Variants in PDE8B observed in about 807,000 individuals in gnomAD.
The protein encoded by PDE8B is high affinity cAMP-specific and IBMX-insensitive 3',5'-cyclic phosphodiesterase 8B.
A neutral mutation model predicts 101.3 loss-of-function variants in PDE8B; 26 were observed. That is an observed-to-expected ratio of 0.26 (90% CI 0.19 to 0.36). The LOEUF is 0.36. Among genes scored for constraint, PDE8B ranks in the 10% least tolerant of loss-of-function variants. PDE8B has a pLI of 1.00. For synonymous variants in PDE8B, 424 were observed against 429.3 expected (o/e 0.99, Z 0.15); for missense variants, 810 against 1,163.1 (o/e 0.70, Z 4.42).
At chr5:77,349,018 G>A (rs777303349) in intron 7 of PDE8B, among the ~76,000 whole-genome samples, 3 of 152,078 alleles carry the variant, frequency 2.0e-5, no homozygotes, top group Non-Finnish European at 4.4e-5. Flanking sequence ...ACAAACATAT[G>A]GACCCAGTCC....
At chr5:77,197,199 A>G in the PDE8B span, among the ~76,000 whole-genome samples, 1 of 139,850 alleles carries the variant, frequency 7.2e-6, no homozygotes, top group South Asian at 2.2e-4. Context: ...TTCAACTTTC[A>G]TCTCCTGGTT....
chr5:77,331,507 C>A, intron 5 of PDE8B, 48 bp downstream of exon 5: 1 of 1,379,616 alleles, frequency 7.2e-7, no homozygotes, highest in Non-Finnish European at 1.0e-6. Context: ...GCACCTTAAC[C>A]CCTAACTCTC....
chr5:77,379,300 A>C (rs1359894113), intron 10 of PDE8B, among the ~76,000 whole-genome samples: 1 of 152,234 alleles, frequency 6.6e-6, no homozygotes, highest in African/African-American at 2.4e-5. Flanking sequence ...GCATGCAGAA[A>C]ATGATCTGGG....
chr5:77,410,176 T>C (rs1331548577), intron 14 of PDE8B, among the ~76,000 whole-genome samples: 3 of 152,242 alleles, frequency 2.0e-5, no homozygotes, highest in Non-Finnish European at 2.9e-5. Flanking sequence ...GCAACTTCTA[T>C]TGAAGCAGCA....
At chr5:77,339,434 C>T (rs1778800840) in intron 6 of PDE8B, among the ~76,000 whole-genome samples, 1 of 152,130 alleles carries the variant, frequency 6.6e-6, no homozygotes, top group Non-Finnish European at 1.5e-5. Flanking sequence ...TTCAAGTTAT[C>T]GCCCTTTTGG....
the PDE8B span, among the ~76,000 whole-genome samples, chr5:77,150,547 T>G: frequency 6.6e-6 from 1 of 152,170 alleles, no homozygotes; most frequent in Non-Finnish European, 1.5e-5. Context: ...AGGGACAAAC[T>G]AGGGTACATC....
At chr5:77,201,255 G>A in the PDE8B span, among the ~76,000 whole-genome samples, 1 of 152,196 alleles carries the variant, frequency 6.6e-6, no homozygotes, top group Non-Finnish European at 1.5e-5. Flanking sequence ...GGCAGAAACT[G>A]TTTACTTAGC....
chr5:77,092,005 A>G, the PDE8B span, among the ~76,000 whole-genome samples: 1 of 152,236 alleles, frequency 6.6e-6, no homozygotes, highest in Non-Finnish European at 1.5e-5. Context: ...CTAAGAAGAA[A>G]GTGAAAAATT....
At chr5:77,191,626 T>C in the PDE8B span, among the ~76,000 whole-genome samples, 7 of 152,156 alleles carry the variant, frequency 4.6e-5, no homozygotes, top group Non-Finnish European at 8.8e-5. Flanking sequence ...GTGTTGGGAT[T>C]ACAGGCGTGA....
intron 1 of PDE8B, among the ~76,000 whole-genome samples, chr5:77,230,697 G>A (rs531409859): frequency 3.3e-5 from 5 of 152,172 alleles, no homozygotes; most frequent in African/African-American, 7.2e-5. Context: ...TGATCCACCC[G>A]CCATCTCAAA....
At chr5:77,129,792 A>G in the PDE8B span, among the ~76,000 whole-genome samples, 1 of 152,202 alleles carries the variant, frequency 6.6e-6, no homozygotes, top group Non-Finnish European at 1.5e-5. Flanking sequence ...TCGCAGTAAA[A>G]GAATTGGCAT....
At position 77,423,929 on chromosome 5, in the gene PDE8B, A is replaced by G. The variant is rs574385223; in HGVS notation, c.2419-1838A>G. ...TAGGATTACAGGCGTGAGCCACCGC[A>G]CCCAGCCTGGACATTTTTTTTTTTA... On this transcript the variant is annotated intron_variant, in intron 20 of 21. Transcript: ENST00000264917. Among the ~76,000 whole-genome samples the G allele has an allele frequency of 2.4e-3, 354 of 148,920 alleles. 5 individuals carry two copies. In the South Asian group the frequency reaches 0.027, roughly 11 times the overall value.
At position 77,427,633 on chromosome 5, in the gene PDE8B, G is replaced by GCCTCCC. The variant is rs1798381891; in HGVS notation, c.*1080_*1081insCTCCCC. ...GTGGTGTAAATATATCAGAAAATAGGCATATGGGGAGGCAGTAAATACTAT... is the reference window on the plus strand; with the variant it reads ...GTGGTGTAAATATATCAGAAAATAGGCCTCCCCATATGGGGAGGCAGTAAATACTAT... On this transcript the variant is annotated 3_prime_UTR_variant, in exon 22 of 22. Coordinates refer to ENST00000264917, the MANE Select transcript of PDE8B (RefSeq NM_003719.5). 4 of 152,068 alleles carry GCCTCCC rather than the reference G, an allele frequency of 2.6e-5. No homozygotes were observed. The highest frequency in any genetic ancestry group is 4.4e-5 in the Non-Finnish European group (3 of 68,018). The allele number at this position is 152,068 out of a possible 1,614,324, so 9.4% of individuals were successfully genotyped here.
the PDE8B span, chr5:77,143,859 A>ATTTTTTTTTTTTTTTTTT: frequency 2.6e-5 from 3 of 115,184 alleles, no homozygotes; most frequent in Non-Finnish European, 3.5e-5. Flanking sequence ...TTCTTGAGGG[A>ATTTTTTTTTTTTTTTTTT]TTTTTTTTTT....
intron 10 of PDE8B, among the ~76,000 whole-genome samples, chr5:77,393,209 C>T (rs754886524): frequency 5.3e-5 from 8 of 152,100 alleles, no homozygotes; most frequent in Non-Finnish European, 8.8e-5. Flanking sequence ...GCTTGGCCAA[C>T]ATGGGAAAAC....
chr5:77,235,589 A>T (rs2149511850), intron 1 of PDE8B, among the ~76,000 whole-genome samples: 1 of 152,340 alleles, frequency 6.6e-6, no homozygotes, highest in South Asian at 2.1e-4. Flanking sequence ...TTACACTCAT[A>T]GTGCTTATGT....
At chr5:77,098,904 A>T in the PDE8B span, among the ~76,000 whole-genome samples, 1 of 152,148 alleles carries the variant, frequency 6.6e-6, no homozygotes, top group Non-Finnish European at 1.5e-5. Flanking sequence ...TTTTAGGGCA[A>T]ACCCACTCCC....
intron 10 of PDE8B, among the ~76,000 whole-genome samples, chr5:77,385,639 T>A (rs565075495): frequency 2.0e-5 from 3 of 152,244 alleles, no homozygotes; most frequent in African/African-American, 7.2e-5. Context: ...AAACACTGCT[T>A]TAAATGTGTC....
chr5:77,288,059 AT>A (rs1766428045), intron 1 of PDE8B, among the ~76,000 whole-genome samples: 1 of 152,202 alleles, frequency 6.6e-6, no homozygotes, highest in South Asian at 2.1e-4. Context: ...CGCAGACAGA[AT>A]TTAGTTTTCC....
Sources: gnomAD v4.1 joint callset for allele counts (sites outside exome capture counted in the v4.1 genomes callset) on GRCh38, gnomAD v4.1.1 for gene constraint, MANE v1.5 for transcripts, NCBI Gene and HGNC (gene_info 2026-07-23, HGNC 2026-07-21) for gene names.